The following SQSTM1 variants were observed in gnomAD, a reference collection of about 807,000 sequenced individuals.
The protein encoded by SQSTM1 is sequestosome-1.
A neutral mutation model predicts 45.1 loss-of-function variants in SQSTM1; 36 were observed. The ratio of observed to expected loss-of-function variants is 0.80; its 90% confidence interval spans 0.61 to 1.05. The LOEUF is 1.05. SQSTM1 is among the 50% of genes least tolerant of loss of function. SQSTM1 has a pLI of 0.00. For missense variants in SQSTM1, 617 were observed against 607.1 expected, an observed-to-expected ratio of 1.02 and a Z score of -0.17; for synonymous variants, 290 against 244.3, an observed-to-expected ratio of 1.19 and a Z score of -1.74.
chr5:179,825,974 G>A (rs1757969162), intron 5 of SQSTM1, among the ~76,000 whole-genome samples: 1 of 152,152 alleles, frequency 6.6e-6, no homozygotes, highest in Non-Finnish European at 1.5e-5. Flanking sequence ...TGGATCGCTG[G>A]GACACCTGCA....
At chr5:179,832,224 A>T (rs1758261046) in intron 5 of SQSTM1, among the ~76,000 whole-genome samples, 2 of 152,164 alleles carry the variant, frequency 1.3e-5, no homozygotes, top group Admixed American at 6.5e-5. Context: ...GCACAGGGAG[A>T]GTTTGGGGAG....
chr5:179,837,491 C>G lies in SQSTM1; in HGVS notation c.*898C>G, dbSNP rs1758644439. On this transcript the variant is annotated 3_prime_UTR_variant, in exon 8 of 8. Coordinates refer to ENST00000389805, the MANE Select transcript of SQSTM1 (RefSeq NM_003900.5). ...CAGGACCAGGGGCCCACCCTCTGCCCAGGGAGTCCTTGCGTCCCATGAGGT... is the reference window on the plus strand; with the variant it reads ...CAGGACCAGGGGCCCACCCTCTGCCGAGGGAGTCCTTGCGTCCCATGAGGT... The G allele has an allele frequency of 6.2e-7, 1 of 1,614,018 alleles. No individual in the cohort carries two copies. The highest frequency in any genetic ancestry group is 1.7e-5 in the Admixed American group (1 of 60,010).
chr5:179,816,971 G>A (rs1314150268), upstream of SQSTM1, among the ~76,000 whole-genome samples: 2 of 152,176 alleles, frequency 1.3e-5, no homozygotes, highest in Non-Finnish European at 2.9e-5. Flanking sequence ...CTACAGCCGC[G>A]CGGGACGGGG....
At chr5:179,817,785 G>A (rs1283954075), upstream of SQSTM1, among the ~76,000 whole-genome samples, 2 of 152,094 alleles carry the variant, frequency 1.3e-5, no homozygotes, top group African/African-American at 2.4e-5. Flanking sequence ...CGAGGTGGGC[G>A]GATCACCTGA....
intron 7 of SQSTM1, 54 bp downstream of exon 7, chr5:179,833,836 C>A: frequency 6.4e-7 from 1 of 1,573,604 alleles, no homozygotes; most frequent in South Asian, 1.1e-5. Context: ...TTAGAGCATC[C>A]TGCCCTCCTC....
chr5:179,832,078 C>T (rs896354173), intron 5 of SQSTM1, among the ~76,000 whole-genome samples: 3 of 152,160 alleles, frequency 2.0e-5, no homozygotes, highest in African/African-American at 4.8e-5. Flanking sequence ...CCACTGCGCT[C>T]GGCCTACTGA....
chr5:179,810,644 C>G (rs1052988130), intron 1 of SQSTM1, among the ~76,000 whole-genome samples: 17 of 152,140 alleles, frequency 1.1e-4, no homozygotes, highest in Admixed American at 6.6e-5. Context: ...AATGGGATTG[C>G]TGGGTCAAAT....
intron 2 of SQSTM1, chr5:179,812,117 GTT>G (rs1581993394): frequency 6.6e-6 from 1 of 152,272 alleles, no homozygotes; most frequent in East Asian, 1.9e-4. Flanking sequence ...CATGAAGAAA[GTT>G]TTTCTAAATG....
chr5:179,830,470 C>T (rs948511313), intron 5 of SQSTM1, among the ~76,000 whole-genome samples: 7 of 152,102 alleles, frequency 4.6e-5, no homozygotes. Context: ...TTGTCTTCAT[C>T]TCGTGGGCTC....
Position 179,837,057 on chromosome 5 carries a change from T to G in SQSTM1, c.*464T>G, listed in dbSNP as rs1758601318. The stretch of plus-strand genomic sequence containing the variant: ...AGGCAGGCTGGGGAGGCCAGTGTTG[T>G]GGGCTTCCTGCTGGGACTGAGAAGG... On this transcript the variant is annotated 3_prime_UTR_variant, in exon 8 of 8. Coordinates refer to ENST00000389805, the MANE Select transcript of SQSTM1 (RefSeq NM_003900.5). The G allele has an allele frequency of 2.8e-6, 2 of 702,058 alleles. No homozygotes were observed. Among genetic ancestry groups the G allele is most frequent in the Non-Finnish European group, 5.0e-6 (2 of 403,424 alleles). The allele number at this position is 702,058 out of a possible 1,614,324, so 43.5% of individuals were successfully genotyped here. A position where few individuals can be genotyped will look rare whatever the true frequency, so the allele number is the denominator to read the frequency against.
chr5:179,806,950 G>C lies in SQSTM1; in HGVS notation c.-157+359G>C, dbSNP rs1407348924. 2 of 150,550 alleles carry C rather than the reference G, an allele frequency of 1.3e-5. No individual in the cohort carries two copies. Among genetic ancestry groups the C allele is most frequent in the Non-Finnish European group, 1.5e-5 (1 of 67,494 alleles). The allele number at this position is 150,550 out of a possible 1,614,324, so 9.3% of individuals were successfully genotyped here. On this transcript the variant is annotated intron_variant, in intron 1 of 5. Transcript: ENST00000514093. This position sits in a 1 kb window ranked among gnomAD's most constrained non-coding sequence, Gnocchi z 4.6. ...GAGAGCCGCGGCCCGGCCTGGATCTGGGGCCTGGATCTGGGGCCGCCGCGG... is the reference window on the plus strand; with the variant it reads ...GAGAGCCGCGGCCCGGCCTGGATCTCGGGCCTGGATCTGGGGCCGCCGCGG...
Position 179,823,805 on chromosome 5 carries a change from G to T in SQSTM1, c.302-53G>T. The T allele has an allele frequency of 3.2e-6, 5 of 1,582,562 alleles. No individual in the cohort carries two copies. In the South Asian group the frequency reaches 4.4e-5, roughly 14 times the overall value. On this transcript the variant is annotated intron_variant, in intron 2 of 7. Transcript: ENST00000389805. ...TGACAGCCCCACAGTGACGACAGAG[G>T]GGGAGGACTTTAGGGGGTCCCACCC...
At position 179,806,657 on chromosome 5, in the gene SQSTM1, G is replaced by A; in HGVS notation, c.-157+66G>A. 1 of 807,652 alleles carries A rather than the reference G, an allele frequency of 1.2e-6. No homozygotes were observed. The allele number at this position is 807,652 out of a possible 1,614,324, so 50.0% of individuals were successfully genotyped here. On this transcript the variant is annotated intron_variant, in intron 1 of 5. Transcript: ENST00000514093. This position sits in a 1 kb window ranked among gnomAD's most constrained non-coding sequence, Gnocchi z 4.6. ...GGGGGACCGGGGCCGGGGCGCAGGG[G>A]TCGGAAGGCGGCGGCGGCGGCGGCA...
intron 5 of SQSTM1, among the ~76,000 whole-genome samples, chr5:179,827,008 G>A (rs1255703461): frequency 2.0e-5 from 3 of 152,142 alleles, no homozygotes; most frequent in Non-Finnish European, 2.9e-5. Flanking sequence ...AGAGATTGCC[G>A]GTGAATTTGG....
intron 7 of SQSTM1, among the ~76,000 whole-genome samples, chr5:179,834,230 C>T (rs1298960712): frequency 2.0e-5 from 1 of 50,418 alleles, no homozygotes; most frequent in African/African-American, 1.4e-4. Context: ...GTGTGGCAGG[C>T]AGCAGTGGGG....
chr5:179,833,489 C>T, intron 6 of SQSTM1, 98 bp from the exon 7 acceptor site: 1 of 1,305,426 alleles, frequency 7.7e-7, no homozygotes, highest in Non-Finnish European at 1.1e-6. Flanking sequence ...TGCACGTGTG[C>T]ATGCGTGCTC....
At position 179,821,257 on chromosome 5, in the gene SQSTM1, G is replaced by A. The variant is rs4700700; in HGVS notation, c.205+116G>A. The A allele has an allele frequency of 0.068, 71,621 of 1,059,846 alleles. 2,854 individuals are homozygous for A. The highest frequency in any genetic ancestry group is 0.08 in the Non-Finnish European group (63,501 of 789,866). 65.7% of individuals were successfully genotyped at this position (1,059,846 alleles called of 1,614,324 possible). ...CCTGGCGGGCCGTGAGGGGGTCTGC[G>A]CTGGCTGCTCCCTGGATGGCGGTGG... On this transcript the variant is annotated intron_variant, in intron 1 of 7. Coordinates refer to ENST00000389805, the MANE Select transcript of SQSTM1 (RefSeq NM_003900.5).
In SQSTM1 at chr5:179,837,639, C is replaced by G; in HGVS notation, c.*1046C>G. The G allele has an allele frequency of 6.2e-7, 1 of 1,614,206 alleles. No homozygotes were observed. The highest frequency in any genetic ancestry group is 1.6e-4 in the Middle Eastern group (1 of 6,062). On this transcript the variant is annotated 3_prime_UTR_variant, in exon 8 of 8. Transcript: ENST00000389805. ...TGTGCTCTGGGGGTCCCTTGCTTAG[C>G]CTGTGCTGGACCAGCTGGCCTGGGG...
At chr5:179,825,713 C>T (rs1414205244) in intron 5 of SQSTM1, among the ~76,000 whole-genome samples, 3 of 152,208 alleles carry the variant, frequency 2.0e-5, no homozygotes, top group Non-Finnish European at 4.4e-5. Flanking sequence ...AAGGTGGAGG[C>T]AGGTGCTCTG....
Sources: gnomAD v4.1 joint callset for allele counts (sites outside exome capture counted in the v4.1 genomes callset) on GRCh38, gnomAD v4.1.1 for gene constraint, Gnocchi (gnomAD v3.1) non-coding constraint, MANE v1.5 for transcripts, NCBI Gene and HGNC (gene_info 2026-07-23, HGNC 2026-07-21) for gene names.